THSD4: variants seen among roughly 807,000 people sequenced by gnomAD.
The protein encoded by THSD4 is thrombospondin type 1 domain containing 4.
THSD4 carries 69 observed loss-of-function variants against 119.0 expected under a neutral mutation model. That is an observed-to-expected ratio of 0.58 (90% confidence interval 0.48 to 0.71). THSD4 has a LOEUF of 0.71. Ranked by LOEUF, THSD4 falls within the 30% of genes least tolerant of loss-of-function variation. The pLI is 0.00. For synonymous variants in THSD4, 524 were observed against 540.4 expected (o/e 0.97, Z 0.42); for missense variants, 1,393 against 1,391.1 (o/e 1.00, Z -0.02).
At chr15:71,097,520 A>G (rs537191697) in intron 1 of THSD4, among the ~76,000 whole-genome samples, 2 of 151,520 alleles carry the variant, frequency 1.3e-5, no homozygotes, top group South Asian at 4.2e-4. Context: ...CAGCCAAGAT[A>G]GCACCTCTGC....
chr15:71,201,453 C>T (rs533153684), intron 3 of THSD4, among the ~76,000 whole-genome samples: 1 of 152,340 alleles, frequency 6.6e-6, no homozygotes, highest in Non-Finnish European at 1.5e-5. Context: ...TCCAAAGTTA[C>T]CTCCCATCTC....
intron 7 of THSD4, among the ~76,000 whole-genome samples, chr15:71,469,083 C>A (rs1366837682): frequency 6.6e-6 from 1 of 152,208 alleles, no homozygotes; most frequent in Non-Finnish European, 1.5e-5. Context: ...AAACATCCAT[C>A]CCTTTTCTTG....
At chr15:71,641,344 A>C (rs1040458503) in intron 7 of THSD4, among the ~76,000 whole-genome samples, 2 of 151,534 alleles carry the variant, frequency 1.3e-5, no homozygotes, top group Admixed American at 6.6e-5. Context: ...CAAGTGACGA[A>C]GTTTCCAATG....
intron 4 of THSD4, among the ~76,000 whole-genome samples, chr15:71,215,687 C>A (rs2140250750): frequency 6.6e-6 from 1 of 152,170 alleles, no homozygotes; most frequent in Non-Finnish European, 1.5e-5. Context: ...GGGAGGCCTC[C>A]TAGAGGGGTG....
chr15:71,736,661 C>T (rs2053118079), intron 10 of THSD4, among the ~76,000 whole-genome samples: 1 of 152,094 alleles, frequency 6.6e-6, no homozygotes, highest in Non-Finnish European at 1.5e-5. Flanking sequence ...TGCTCTCTGC[C>T]ACTGTCTCTC....
intron 7 of THSD4, among the ~76,000 whole-genome samples, chr15:71,551,115 G>T (rs910320771): frequency 1.3e-5 from 2 of 152,206 alleles, no homozygotes; most frequent in African/African-American, 4.8e-5. Flanking sequence ...CATTTATTCA[G>T]AAAGAATGAG....
intron 7 of THSD4, among the ~76,000 whole-genome samples, chr15:71,415,698 A>T (rs1269890454): frequency 6.6e-6 from 1 of 152,060 alleles, no homozygotes; most frequent in Non-Finnish European, 1.5e-5. Flanking sequence ...TACCCTTCCC[A>T]GCCTCTGGTA....
In THSD4 at chr15:71,264,728, T is replaced by G. The variant is rs183852705; in HGVS notation, c.1015+8013T>G. ...GAAATGAGCTTTGGAGTATGTTACA[T>G]TAAGGAAGCAGGGGAAAGAGTCTCA... On this transcript the variant is annotated intron_variant, in intron 6 of 17. Coordinates refer to ENST00000261862, the MANE Select transcript of THSD4 (RefSeq NM_024817.3). Among the ~76,000 whole-genome samples the G allele has an allele frequency of 8.3e-4, 126 of 152,194 alleles. 1 individual carries two copies. Among genetic ancestry groups the G allele is most frequent in the Admixed American group, 3.6e-3 (55 of 15,294 alleles).
chr15:71,670,506 G>A (rs1003947788), intron 8 of THSD4, among the ~76,000 whole-genome samples: 12 of 147,102 alleles, frequency 8.2e-5, no homozygotes, highest in South Asian at 6.5e-4. Flanking sequence ...TTACATATAT[G>A]TATATATATA....
At chr15:71,524,218 C>T (rs1041241279) in intron 7 of THSD4, among the ~76,000 whole-genome samples, 1 of 152,238 alleles carries the variant, frequency 6.6e-6, no homozygotes. Context: ...GTTTCCAAGA[C>T]CCCTGCCAGC....
intron 6 of THSD4, among the ~76,000 whole-genome samples, chr15:71,393,369 T>C (rs1164926140): frequency 1.3e-5 from 2 of 152,056 alleles, no homozygotes; most frequent in Non-Finnish European, 2.9e-5. Context: ...ACAGTTTCCA[T>C]CTTTTGGTAA....
intron 2 of THSD4, among the ~76,000 whole-genome samples, chr15:71,144,135 A>G (rs1176367838): frequency 1.3e-5 from 2 of 152,112 alleles, no homozygotes; most frequent in East Asian, 3.9e-4. Flanking sequence ...TTTTGCCAAG[A>G]ATTCTGCTGT....
At chr15:71,439,873 G>T (rs2047066851) in intron 7 of THSD4, among the ~76,000 whole-genome samples, 1 of 152,164 alleles carries the variant, frequency 6.6e-6, no homozygotes, top group Non-Finnish European at 1.5e-5. Flanking sequence ...GTGGGTGTGG[G>T]GGGCTAGGAG....
rs530669555 is a variant in THSD4 at position 71,217,207 on chromosome 15, G to A, written c.464+1808G>A. 1.2e-4 allele frequency among the ~76,000 whole-genome samples: 19 copies of A among 152,246 alleles called. No individual in the cohort carries two copies. The East Asian group carries it at 1.9e-3, about 15-fold the overall frequency. ...TTCACATGTTAATAGCATTTCTTCC[G>A]TCGTATGGGACAGCATCCCATAATC... On this transcript the variant is annotated intron_variant, in intron 4 of 17. Coordinates refer to ENST00000261862, the MANE Select transcript of THSD4 (RefSeq NM_024817.3).
intron 9 of THSD4, 68 bp from the exon 10 acceptor site, chr15:71,731,053 T>C: frequency 1.4e-6 from 2 of 1,459,266 alleles, no homozygotes; most frequent in East Asian, 2.3e-5. Flanking sequence ...GTTCTGCAAA[T>C]GCCATTGAAA....
intron 1 of THSD4, among the ~76,000 whole-genome samples, chr15:71,121,950 G>C (rs890555848): frequency 6.6e-6 from 1 of 152,110 alleles, no homozygotes; most frequent in Non-Finnish European, 1.5e-5. Context: ...ACATGAGGCC[G>C]CTTGGGAATC....
intron 7 of THSD4, among the ~76,000 whole-genome samples, chr15:71,412,861 A>G (rs1192422042): frequency 1.3e-5 from 2 of 152,176 alleles, no homozygotes; most frequent in Admixed American, 6.5e-5. Context: ...TAATGGATGT[A>G]TATATTTATG....
At chr15:71,433,761 G>T (rs1267710232) in intron 7 of THSD4, among the ~76,000 whole-genome samples, 1 of 152,100 alleles carries the variant, frequency 6.6e-6, no homozygotes, top group Non-Finnish European at 1.5e-5. Context: ...GTTGGGCCAG[G>T]AATGATGGGG....
In THSD4 at chr15:71,584,262, C is replaced by T. The variant is rs148005046; in HGVS notation, c.1153-76268C>T. Among the ~76,000 whole-genome samples, 52 of 61,810 alleles carry T rather than the reference C, an allele frequency of 8.4e-4. 1 individual carries two copies. Among genetic ancestry groups the T allele is most frequent in the African/African-American group, 1.3e-3 (17 of 13,180 alleles). The allele number at this position is 61,810 out of a possible 152,430, so 40.5% of individuals were successfully genotyped here. On this transcript the variant is annotated intron_variant, in intron 7 of 17. Coordinates refer to ENST00000261862, the MANE Select transcript of THSD4 (RefSeq NM_024817.3). ...TCACGTGGATTTTTTTTTTCACTTT[C>T]TTTTTTTTTTTTTTTTTTTTTTTGA... is the stretch of plus-strand genomic sequence containing the variant.
Sources: gnomAD v4.1 joint callset for allele counts (sites outside exome capture counted in the v4.1 genomes callset) on GRCh38, gnomAD v4.1.1 for gene constraint, MANE v1.5 for transcripts, NCBI Gene and HGNC (gene_info 2026-07-23, HGNC 2026-07-21) for gene names.